LRP5: variants seen among roughly 807,000 people sequenced by gnomAD.
LRP5 encodes the protein LDL receptor related protein 5, also known as low-density lipoprotein receptor-related protein 5.
In LRP5, 62 loss-of-function variants were observed where a neutral mutation model predicts 154.1. The observed-to-expected ratio is 0.40, with a 90% confidence interval of 0.33 to 0.50. LRP5 has a LOEUF of 0.50. LRP5 is among the 20% of genes least tolerant of loss of function. The probability of loss-of-function intolerance (pLI) is 0.55; values close to 1 mark genes in which losing one functional copy is unlikely to be tolerated. For synonymous variants in LRP5, 966 were observed against 1,011.5 expected, an observed-to-expected ratio of 0.96 and a Z score of 0.85; for missense variants, 1,915 against 2,336.7, an observed-to-expected ratio of 0.82 and a Z score of 3.72.
At chr11:68,403,415 A>G in intron 7 of LRP5, 68 bp from the exon 8 acceptor site, 1 of 1,421,072 alleles carries the variant, frequency 7.0e-7, no homozygotes, top group East Asian at 2.3e-5. Flanking sequence ...GGCCCCAGGC[A>G]GGGTCCGGGT....
In LRP5 at chr11:68,406,628, G is replaced by A; in HGVS notation, c.1906G>A (p.Asp636Asn). Residue 636 changes from aspartate to asparagine, a missense_variant, in exon 9 of 23, where the codon GAC becomes AAC. This residue lies in a region of LRP5 where 773 missense variants were observed against 1,100.9 expected (regional missense o/e 0.70). Transcript: ENST00000294304. ...CCCCATCGGCCTGGAGCTGCTGAGT[G>A]ACATGAAGACCTGCATCGTGCCTGA... ...GCPIGLELLSDMKTCIVPEAF... is the reference protein window; with the variant it reads ...GCPIGLELLSNMKTCIVPEAF... 1 of 1,614,144 alleles carries A rather than the reference G, an allele frequency of 6.2e-7. No individual in the cohort carries two copies. The highest frequency in any genetic ancestry group is 2.2e-5 in the East Asian group (1 of 44,876).
At chr11:68,302,393 T>TG in the LRP5 span, among the ~76,000 whole-genome samples, 1 of 149,268 alleles carries the variant, frequency 6.7e-6, no homozygotes, top group Non-Finnish European at 1.5e-5. Flanking sequence ...AGCCCGGTCC[T>TG]GGGGCCTGCT....
At chr11:68,350,956 G>A (rs1464985334) in intron 2 of LRP5, among the ~76,000 whole-genome samples, 6 of 152,180 alleles carry the variant, frequency 3.9e-5, no homozygotes, top group Non-Finnish European at 8.8e-5. Flanking sequence ...GTGTGTCCGT[G>A]TGTGTGCATG....
chr11:68,366,381 T>G (rs2153140997), intron 5 of LRP5, among the ~76,000 whole-genome samples: 1 of 151,974 alleles, frequency 6.6e-6, no homozygotes, highest in East Asian at 1.9e-4. Context: ...AGAGTCTCGG[T>G]GTGGGGCCCC....
At chr11:68,425,547 C>T (rs2472419) in intron 15 of LRP5, among the ~76,000 whole-genome samples, 1 of 152,248 alleles carries the variant, frequency 6.6e-6, no homozygotes, top group Non-Finnish European at 1.5e-5. Flanking sequence ...TGGAGCAGGA[C>T]TGCAGCCTAG....
At chr11:68,370,141 G>GA (rs1369962300) in intron 5 of LRP5, among the ~76,000 whole-genome samples, 2 of 152,116 alleles carry the variant, frequency 1.3e-5, no homozygotes, top group Admixed American at 6.5e-5. Flanking sequence ...TTCCCAACCA[G>GA]AAGAGGCAGG....
At chr11:68,384,116 C>T (rs1172612434) in intron 5 of LRP5, among the ~76,000 whole-genome samples, 3 of 152,122 alleles carry the variant, frequency 2.0e-5, no homozygotes, top group South Asian at 2.1e-4. Context: ...ATCACGTGGG[C>T]GCCCTCTAGT....
At chr11:68,383,715 T>C (rs1488201216) in intron 5 of LRP5, among the ~76,000 whole-genome samples, 19 of 152,188 alleles carry the variant, frequency 1.2e-4, no homozygotes, top group Admixed American at 1.2e-3. Context: ...CCAGTGAGGG[T>C]GGCGCCCTCG....
At chr11:68,331,653 T>C (rs1236539085) in intron 1 of LRP5, among the ~76,000 whole-genome samples, 1 of 152,218 alleles carries the variant, frequency 6.6e-6, no homozygotes, top group African/African-American at 2.4e-5. Context: ...CCCTGTATGT[T>C]TCCTGTTCGC....
chr11:68,411,833 A>G (rs2098659771), intron 11 of LRP5, among the ~76,000 whole-genome samples: 1 of 152,096 alleles, frequency 6.6e-6, no homozygotes, highest in Non-Finnish European at 1.5e-5. Context: ...ATGTCGGGAG[A>G]GGCTCTGGTG....
intron 3 of LRP5, among the ~76,000 whole-genome samples, chr11:68,361,798 G>C (rs1425944924): frequency 6.6e-6 from 1 of 152,148 alleles, no homozygotes; most frequent in Admixed American, 6.5e-5. Flanking sequence ...CTCCAGCCTG[G>C]GTGACAGAGC....
At chr11:68,443,847 G>A (rs1410483249) in intron 21 of LRP5, among the ~76,000 whole-genome samples, 3 of 150,990 alleles carry the variant, frequency 2.0e-5, no homozygotes, top group Non-Finnish European at 4.4e-5. Flanking sequence ...TAGTAGAGAC[G>A]GGGGTTTCTC....
intron 1 of LRP5, among the ~76,000 whole-genome samples, chr11:68,313,159 G>A (rs1167495204): frequency 6.6e-6 from 1 of 150,806 alleles, no homozygotes; most frequent in Non-Finnish European, 1.5e-5. Flanking sequence ...GCACCGAGCG[G>A]GGACTTGGGG....
intron 11 of LRP5, among the ~76,000 whole-genome samples, chr11:68,412,643 C>CAA (rs532949641): frequency 1.5e-5 from 2 of 132,234 alleles, no homozygotes; most frequent in Admixed American, 7.7e-5. Context: ...AGACCGTCTC[C>CAA]AAAAAAAAAA....
Position 68,444,965 on chromosome 11 carries a change from G to A in LRP5, c.4489-1471G>A, listed in dbSNP as rs112120435. ...AGAGGACCCTCTCCAGAAAGAGCAG[G>A]GCCCAGTGCGGCTTCCTAAAGGGCA... On this transcript the variant is annotated intron_variant, in intron 21 of 22. Transcript: ENST00000294304. 7.4e-3 allele frequency among the ~76,000 whole-genome samples: 1,132 copies of A among 152,174 alleles called. 17 individuals are homozygous for A. The highest frequency in any genetic ancestry group is 0.026 in the African/African-American group (1,068 of 41,516).
rs2098604322 is a variant in LRP5, at chr11:68,334,058, A to G, written c.92-13789A>G. Among the ~76,000 whole-genome samples, 4 of 152,202 alleles carry G rather than the reference A, an allele frequency of 2.6e-5. No homozygotes were observed. In the South Asian group the frequency reaches 8.3e-4, roughly 32 times the overall value. Reference sequence around the variant, plus strand: ...AGACCAGCCTGGCCAACATGGTGAAACCCCATCTCTACTAAAAATACAAAA... The same window carrying G: ...AGACCAGCCTGGCCAACATGGTGAAGCCCCATCTCTACTAAAAATACAAAA... On this transcript the variant is annotated intron_variant, in intron 1 of 22. Transcript: ENST00000294304.
intron 5 of LRP5, among the ~76,000 whole-genome samples, chr11:68,372,010 T>C (rs1339789384): frequency 6.6e-6 from 1 of 152,174 alleles, no homozygotes; most frequent in Non-Finnish European, 1.5e-5. Context: ...GGCTCTGTGG[T>C]GAGGGCTCTG....
chr11:68,348,250 C>T lies in LRP5; in HGVS notation c.488+7C>T. 6.2e-7 allele frequency: 1 copy of T among 1,603,238 alleles called. No homozygotes were observed. Among genetic ancestry groups the T allele is most frequent in the Non-Finnish European group, 8.5e-7 (1 of 1,179,982 alleles). Reference sequence around the variant, plus strand: ...CCTTGGACCCCGCTCACGGGTAAACCCTGCTGCGACTCCACCTGGGTCCAG... The same window carrying T: ...CCTTGGACCCCGCTCACGGGTAAACTCTGCTGCGACTCCACCTGGGTCCAG... On this transcript the variant is annotated splice_region_variant and intron_variant, in intron 2 of 22. Coordinates refer to ENST00000294304, the MANE Select transcript of LRP5 (RefSeq NM_002335.4).
the LRP5 span, among the ~76,000 whole-genome samples, chr11:68,301,630 A>T: frequency 0.13 from 17,998 of 143,310 alleles, 2,502 homozygotes; most frequent in Non-Finnish European, 0.18. Flanking sequence ...TTATTTATTT[A>T]TTTTTTTTTT....
Sources: gnomAD v4.1 joint callset for allele counts (sites outside exome capture counted in the v4.1 genomes callset) on GRCh38, gnomAD v4.1.1 for gene constraint, gnomAD v4.1.1 regional missense constraint, MANE v1.5 for transcripts, NCBI Gene and HGNC (gene_info 2026-07-23, HGNC 2026-07-21) for gene names.